NPAT: variants seen among roughly 807,000 people sequenced by gnomAD.
The protein encoded by NPAT is protein NPAT.
NPAT carries 52 observed loss-of-function variants against 130.7 expected under a neutral mutation model. The ratio of observed to expected loss-of-function variants is 0.40; its 90% CI spans 0.32 to 0.50. The LOEUF (loss-of-function observed/expected upper bound fraction) is 0.50, where lower values mean the gene tolerates loss of function less well. Among genes scored for constraint, NPAT ranks in the 20% least tolerant of loss-of-function variants. NPAT has a pLI of 0.68. For missense variants in NPAT, 1,687 were observed against 1,662.6 expected (o/e 1.01, Z -0.26); for synonymous variants, 580 against 584.8 (o/e 0.99, Z 0.12).
chr11:108,185,735 C>T (rs1464004571), intron 8 of NPAT, among the ~76,000 whole-genome samples: 4 of 152,142 alleles, frequency 2.6e-5, no homozygotes, highest in African/African-American at 9.7e-5. Context: ...CATCAAACCC[C>T]AGTAAATGCC....
chr11:108,175,576 A>G (rs2077997819), intron 12 of NPAT, among the ~76,000 whole-genome samples: 1 of 152,212 alleles, frequency 6.6e-6, no homozygotes, highest in African/African-American at 2.4e-5. Flanking sequence ...TTCTAGACAT[A>G]ATATATACTG....
intron 6 of NPAT, among the ~76,000 whole-genome samples, chr11:108,188,599 C>T (rs2078131813): frequency 6.6e-6 from 1 of 152,174 alleles, no homozygotes; most frequent in Non-Finnish European, 1.5e-5. Context: ...TATTAACTAG[C>T]TTCTTATCCC....
At chr11:108,214,392 C>G (rs745786104) in intron 1 of NPAT, among the ~76,000 whole-genome samples, 1 of 152,030 alleles carries the variant, frequency 6.6e-6, no homozygotes, top group Non-Finnish European at 1.5e-5. Flanking sequence ...AATGTCCAGG[C>G]AAGGCACATG....
At chr11:108,219,586 A>G (rs1467012335) in intron 1 of NPAT, among the ~76,000 whole-genome samples, 1 of 152,226 alleles carries the variant, frequency 6.6e-6, no homozygotes, top group Non-Finnish European at 1.5e-5. Flanking sequence ...AAGCTTGTCC[A>G]TTCATCCATG....
At position 108,172,352 on chromosome 11, in the gene NPAT, A is replaced by G. The variant is rs367951362; in HGVS notation, c.2632T>C (p.Leu878=). ...TTAGACTGACTTACAGATGTTCCTA[A>G]CGCTGTTGGATCAGTCACACAGGTA... ...IATCVTDPTA[L]GTSVSQSNVV... is the part of the protein sequence containing the mutation. The change falls in exon 13 of 18, where the codon TTA becomes CTA. Residue 878 remains leucine, a synonymous_variant. Coordinates refer to ENST00000278612, the MANE Select transcript of NPAT (RefSeq NM_002519.3). 77 of 1,614,056 alleles carry G rather than the reference A, an allele frequency of 4.8e-5. No homozygotes were observed. In the African/African-American group the frequency reaches 9.7e-4, roughly 20 times the overall value.
At chr11:108,186,242 C>T (rs75883761) in intron 8 of NPAT, among the ~76,000 whole-genome samples, 225 of 152,192 alleles carry the variant, frequency 1.5e-3, no homozygotes, top group African/African-American at 4.9e-3. Flanking sequence ...GTCTTGAATT[C>T]CTGAGCTCAA....
chr11:108,190,666 T>G (rs2078160621), intron 4 of NPAT, among the ~76,000 whole-genome samples, 166 bp from the exon 5 acceptor site: 1 of 152,192 alleles, frequency 6.6e-6, no homozygotes, highest in Non-Finnish European at 1.5e-5. Flanking sequence ...CAACTGTGAT[T>G]TGCTTTAGGA....
At chr11:108,221,353 T>C (rs912563129) in intron 1 of NPAT, among the ~76,000 whole-genome samples, 13 of 152,200 alleles carry the variant, frequency 8.5e-5, no homozygotes. Context: ...TTTAAGACTA[T>C]AGTTACCGAA....
rs1217355565 is a variant in NPAT, at chr11:108,157,810, A to G, written c.*1132T>C. Reference sequence around the variant, plus strand: ...TTTAAAAGTTTAAACCAATTCTTCAACTGGACTGATGTGTGTGAGTCTAAT... The same window carrying G: ...TTTAAAAGTTTAAACCAATTCTTCAGCTGGACTGATGTGTGTGAGTCTAAT... On this transcript the variant is annotated 3_prime_UTR_variant, in exon 18 of 18. Transcript: ENST00000278612. 1 of 152,486 alleles carries G rather than the reference A, an allele frequency of 6.6e-6. No homozygotes were observed. The highest frequency in any genetic ancestry group is 1.5e-5 in the Non-Finnish European group (1 of 67,940). The allele number at this position is 152,486 out of a possible 1,614,324, so 9.4% of individuals were successfully genotyped here.
Position 108,185,249 on chromosome 11 carries a change from C to T in NPAT, c.889G>A (p.Glu297Lys). 1.9e-6 allele frequency: 3 copies of T among 1,611,342 alleles called. No homozygotes were observed. Among genetic ancestry groups the T allele is most frequent in the Non-Finnish European group, 2.5e-6 (3 of 1,178,260 alleles). ...NPTEPETSID[E>K]FLGLPSEIHM... Reference sequence around the variant, plus strand: ...ACCCATACCGGAAGTCCTAGGAATTCATCAATTGAAGTCTCTGGCTCCGTA... The same window carrying T: ...ACCCATACCGGAAGTCCTAGGAATTTATCAATTGAAGTCTCTGGCTCCGTA... The change falls in exon 10 of 18, where the codon GAA (glutamate) becomes AAA (lysine). Residue 297 changes from glutamate (E) to lysine (K), a missense_variant. Physicochemically the swap from Glu to Lys is moderately conservative, Grantham distance 56 (BLOSUM62 1). Around this residue, in one of 3 missense-constraint regions of NPAT, gnomAD observed 1,379 missense variants for 1,346.6 expected, o/e 1.02. Transcript: ENST00000278612.
At chr11:108,184,850 G>T (rs551953977) in intron 10 of NPAT, among the ~76,000 whole-genome samples, 1 of 152,152 alleles carries the variant, frequency 6.6e-6, no homozygotes, top group South Asian at 2.1e-4. Context: ...TATCTTTATT[G>T]TATCATTTCA....
intron 1 of NPAT, among the ~76,000 whole-genome samples, chr11:108,203,086 G>C (rs918640579): frequency 1.3e-5 from 2 of 152,150 alleles, no homozygotes; most frequent in Admixed American, 6.5e-5. Context: ...AAACTGTCTT[G>C]AGAGACTCAT....
chr11:108,178,464 G>C (rs1266563054), intron 10 of NPAT, among the ~76,000 whole-genome samples: 2 of 151,922 alleles, frequency 1.3e-5, no homozygotes, highest in Admixed American at 1.3e-4. Flanking sequence ...ATTTAATATT[G>C]CTAAGATTCC....
At chr11:108,187,444 C>A (rs565038478) in intron 7 of NPAT, among the ~76,000 whole-genome samples, 1 of 151,910 alleles carries the variant, frequency 6.6e-6, no homozygotes, top group East Asian at 1.9e-4. Flanking sequence ...ACAGCAAGGC[C>A]CTATCTCTAA....
At chr11:108,176,916 G>A (rs2078011828) in intron 11 of NPAT, 78 bp downstream of exon 11, 1 of 886,748 alleles carries the variant, frequency 1.1e-6, no homozygotes, top group African/African-American at 1.6e-5. Flanking sequence ...TCTGGGGAAT[G>A]TTGATTCACT....
intron 1 of NPAT, among the ~76,000 whole-genome samples, chr11:108,209,539 G>GC (rs2078362653): frequency 6.6e-6 from 1 of 152,146 alleles, no homozygotes; most frequent in Admixed American, 6.5e-5. Context: ...GCAACAGACT[G>GC]AGATCTTGTC....
chr11:108,195,494 T>A (rs2078210836), intron 2 of NPAT, among the ~76,000 whole-genome samples: 1 of 152,252 alleles, frequency 6.6e-6, no homozygotes, highest in South Asian at 2.1e-4. Flanking sequence ...TCTGTATATT[T>A]TCTTTGGTAA....
chr11:108,190,849 G>T (rs547317333), intron 4 of NPAT, among the ~76,000 whole-genome samples: 1 of 152,166 alleles, frequency 6.6e-6, no homozygotes, highest in Non-Finnish European at 1.5e-5. Context: ...GAGGTGAGAG[G>T]ATCACTTGAG....
rs944889385 is a variant in NPAT, at chr11:108,157,562, T to C, written c.*1380A>G. 11 of 152,108 alleles carry C rather than the reference T, an allele frequency of 7.2e-5. No homozygotes were observed. The highest frequency in any genetic ancestry group is 2.4e-4 in the African/African-American group (10 of 41,444). The allele number at this position is 152,108 out of a possible 1,614,324, so 9.4% of individuals were successfully genotyped here. ...GTAAGGTTCAGCAATTAAGAAGACATGATTTCTACACTGAGAAATGTTGTG... is the reference window on the plus strand; with the variant it reads ...GTAAGGTTCAGCAATTAAGAAGACACGATTTCTACACTGAGAAATGTTGTG... On this transcript the variant is annotated 3_prime_UTR_variant, in exon 18 of 18. Transcript: ENST00000278612.
Sources: allele counts gnomAD v4.1 joint callset (sites outside exome capture counted in the v4.1 genomes callset), GRCh38; gene constraint gnomAD v4.1.1; regional missense constraint gnomAD v4.1.1; transcripts MANE v1.5; gene names NCBI Gene and HGNC (gene_info 2026-07-23, HGNC 2026-07-21).